Variants in EGF observed in about 807,000 individuals in gnomAD.
EGF encodes epidermal growth factor, also known as pro-epidermal growth factor.
A neutral mutation model predicts 143.8 loss-of-function variants in EGF; 95 were observed. That is an observed-to-expected ratio of 0.66 (90% CI 0.56 to 0.78). The LOEUF is 0.78. EGF is among the 30% of genes least tolerant of loss of function. The probability of loss-of-function intolerance (pLI) is 0.00; values close to 1 mark genes in which losing one functional copy is unlikely to be tolerated. For missense variants in EGF, 1,320 were observed against 1,470.9 expected, an observed-to-expected ratio of 0.90 and a Z score of 1.68; for synonymous variants, 510 against 510.5, an observed-to-expected ratio of 1.00 and a Z score of 0.01.
intron 21 of EGF, among the ~76,000 whole-genome samples, chr4:110,000,448 G>A (rs139058323): frequency 6.6e-5 from 10 of 151,926 alleles, no homozygotes; most frequent in African/African-American, 2.4e-4. Context: ...AATATTATAT[G>A]CTCCCCCCAT....
At chr4:109,953,984 A>G (rs2126037829) in intron 5 of EGF, among the ~76,000 whole-genome samples, 1 of 152,372 alleles carries the variant, frequency 6.6e-6, no homozygotes, top group East Asian at 1.9e-4. Context: ...ACTGCCAGAA[A>G]TGAGGATACA....
Position 109,993,145 on chromosome 4 carries a change from T to C in EGF, c.2735-102T>C, listed in dbSNP as rs1302735080. 3.4e-6 allele frequency: 5 copies of C among 1,477,018 alleles called. No individual in the cohort carries two copies. In the African/African-American group the frequency reaches 4.2e-5, roughly 12 times the overall value. 91.5% of individuals were successfully genotyped at this position (1,477,018 alleles called of 1,614,324 possible). ...TATAGGTCTCTGAGAACATATAGCA[T>C]GACAGAAGCTGATGAAGCTCCTCTT... On this transcript the variant is annotated intron_variant, in intron 18 of 23. Coordinates refer to ENST00000265171, the MANE Select transcript of EGF (RefSeq NM_001963.6).
intron 1 of EGF, among the ~76,000 whole-genome samples, chr4:109,929,768 G>A (rs1246461966): frequency 6.6e-6 from 1 of 152,002 alleles, no homozygotes; most frequent in African/African-American, 2.4e-5. Flanking sequence ...TTCTTTCTGG[G>A]TGCATTATTT....
At chr4:109,928,456 A>G (rs1339294445) in intron 1 of EGF, among the ~76,000 whole-genome samples, 2 of 152,094 alleles carry the variant, frequency 1.3e-5, no homozygotes, top group Non-Finnish European at 2.9e-5. Flanking sequence ...GGTTGTGGAG[A>G]CCAAGGTTTT....
chr4:109,994,732 G>A lies in EGF; in HGVS notation c.2858-1G>A. The A allele has an allele frequency of 6.2e-7, 1 of 1,613,888 alleles. No individual in the cohort carries two copies. The highest frequency in any genetic ancestry group is 8.5e-7 in the Non-Finnish European group (1 of 1,179,964). ...AAAAGTAATGTCTTGGGTTCTTTTA[G>A]ACTCTACTCCACCCCCTCACCTCAG... On this transcript the variant is annotated splice_acceptor_variant, in intron 19 of 23. Transcript: ENST00000265171. LOFTEE classifies it high-confidence loss of function.
At chr4:109,930,252 G>A (rs868853465) in intron 1 of EGF, among the ~76,000 whole-genome samples, 4 of 152,158 alleles carry the variant, frequency 2.6e-5, no homozygotes, top group East Asian at 1.9e-4. Flanking sequence ...TTTAAGTACC[G>A]TAACTGAAGA....
intron 22 of EGF, among the ~76,000 whole-genome samples, chr4:110,004,823 T>G (rs1753045662): frequency 6.6e-6 from 1 of 152,092 alleles, no homozygotes; most frequent in Non-Finnish European, 1.5e-5. Context: ...AGGAATCAGA[T>G]GAGTTATAAT....
intron 21 of EGF, chr4:110,001,832 T>C: frequency 1.0e-6 from 1 of 985,448 alleles, no homozygotes; most frequent in Non-Finnish European, 1.2e-6. Context: ...CAGAACCCTT[T>C]CTTTTTCTCT....
At chr4:110,008,799 T>C (rs1426775866) in intron 23 of EGF, among the ~76,000 whole-genome samples, 1 of 152,224 alleles carries the variant, frequency 6.6e-6, no homozygotes, top group Non-Finnish European at 1.5e-5. Context: ...GAACTCAGTC[T>C]ACTTCAGATA....
intron 1 of EGF, among the ~76,000 whole-genome samples, chr4:109,923,436 G>T (rs1015098606): frequency 1.3e-5 from 2 of 151,488 alleles, no homozygotes; most frequent in Non-Finnish European, 2.9e-5. Flanking sequence ...GAAGATAATT[G>T]TATTCAGTAT....
In EGF at chr4:109,959,334, G is replaced by A; in HGVS notation, c.963G>A (p.Arg321=). 2 of 1,613,842 alleles carry A rather than the reference G, an allele frequency of 1.2e-6. No individual in the cohort carries two copies. The highest frequency in any genetic ancestry group is 1.7e-4 in the Middle Eastern group (1 of 6,060). ...WEPEQKLCKL[R]KGNCSSTVCG... is the part of the protein sequence containing the mutation. ...TAGAGCAGAAACTTTGCAAATTGAG[G>A]AAAGGAAACTGCAGCAGCACTGTGT... Residue 321 remains arginine (R), a synonymous_variant, in exon 6 of 24, where the codon AGG becomes AGA. Transcript: ENST00000265171.
At chr4:109,913,886 G>A (rs1345751316) in intron 1 of EGF, among the ~76,000 whole-genome samples, 1 of 152,154 alleles carries the variant, frequency 6.6e-6, no homozygotes, top group African/African-American at 2.4e-5. Context: ...TAAGAATTCA[G>A]AAGTTCTAAA....
rs549264868 is a variant in EGF at position 109,932,510 on chromosome 4, C to T, written c.128-8436C>T. Among the ~76,000 whole-genome samples, 4 of 150,722 alleles carry T rather than the reference C, an allele frequency of 2.7e-5. No individual in the cohort carries two copies. The South Asian group carries it at 8.4e-4, about 32-fold the overall frequency. On this transcript the variant is annotated intron_variant, in intron 1 of 23. Coordinates refer to ENST00000265171, the MANE Select transcript of EGF (RefSeq NM_001963.6). The stretch of plus-strand genomic sequence containing the variant: ...TCTCCTGCCTCAGCCTCCCGAGTAT[C>T]TGGGACTACAGGCGCTCGCCACCAT...
chr4:109,987,567 T>A (rs1188529864), intron 16 of EGF, among the ~76,000 whole-genome samples, 177 bp from the exon 17 acceptor site: 1 of 152,204 alleles, frequency 6.6e-6, no homozygotes, highest in Non-Finnish European at 1.5e-5. Context: ...CCCAGCCAGC[T>A]ATGGATCTTT....
chr4:109,971,028 T>A (rs1484080158), intron 11 of EGF, among the ~76,000 whole-genome samples: 1 of 152,142 alleles, frequency 6.6e-6, no homozygotes, highest in Non-Finnish European at 1.5e-5. Flanking sequence ...CTGTGCTTTA[T>A]ATCCATGACA....
At chr4:109,943,199 A>C in intron 2 of EGF, 55 bp from the exon 3 acceptor site, 1 of 1,239,580 alleles carries the variant, frequency 8.1e-7, no homozygotes, top group South Asian at 1.4e-5. Flanking sequence ...AATTAAAATA[A>C]TTTTGTTGTG....
chr4:109,939,516 C>A (rs1741537649), intron 1 of EGF, among the ~76,000 whole-genome samples: 1 of 152,268 alleles, frequency 6.6e-6, no homozygotes, highest in African/African-American at 2.4e-5. Flanking sequence ...AACACCCCAC[C>A]CTGCTTCGGC....
At chr4:109,958,274 T>C (rs1344895493) in intron 5 of EGF, among the ~76,000 whole-genome samples, 1 of 152,220 alleles carries the variant, frequency 6.6e-6, no homozygotes, top group Non-Finnish European at 1.5e-5. Flanking sequence ...CTTTGCTTTG[T>C]GGAATTTTTT....
intron 10 of EGF, 33 bp from the exon 11 acceptor site, chr4:109,968,938 A>T: frequency 6.2e-7 from 1 of 1,613,966 alleles, no homozygotes; most frequent in Non-Finnish European, 8.5e-7. Context: ...AGTTTTAAAA[A>T]AAAATCAGAA....
Sources: allele counts gnomAD v4.1 joint callset (sites outside exome capture counted in the v4.1 genomes callset), GRCh38; gene constraint gnomAD v4.1.1; transcripts MANE v1.5; gene names NCBI Gene and HGNC (gene_info 2026-07-23, HGNC 2026-07-21).